Variants in RERE observed in about 807,000 individuals in gnomAD.
RERE encodes arginine-glutamic acid dipeptide repeats protein.
In RERE, 40 loss-of-function variants were observed where a neutral mutation model predicts 146.1. The observed-to-expected ratio is 0.27, with a 90% CI of 0.21 to 0.36. The LOEUF (loss-of-function observed/expected upper bound fraction) is 0.36, where lower values mean the gene tolerates loss of function less well. Among genes scored for constraint, RERE ranks in the 10% least tolerant of loss-of-function variants. RERE has a pLI of 1.00. For synonymous variants in RERE, 1,003 were observed against 866.0 expected (o/e 1.16, Z -2.78); for missense variants, 1,933 against 2,138.7 (o/e 0.90, Z 1.90).
At chr1:8,398,792 C>A (rs184724141) in intron 12 of RERE, among the ~76,000 whole-genome samples, 28 of 152,192 alleles carry the variant, frequency 1.8e-4, no homozygotes, top group African/African-American at 5.5e-4. Flanking sequence ...TGCTATACAT[C>A]GAAAAATTTG....
intron 2 of RERE, among the ~76,000 whole-genome samples, chr1:8,626,974 A>G (rs1289187771): frequency 6.6e-6 from 1 of 152,158 alleles, no homozygotes; most frequent in Non-Finnish European, 1.5e-5. Context: ...ACTGCATTCA[A>G]TGGTCTGGTC....
chr1:8,570,197 C>G (rs894421561), intron 4 of RERE, among the ~76,000 whole-genome samples: 6 of 151,940 alleles, frequency 3.9e-5, no homozygotes, highest in Non-Finnish European at 7.4e-5. Context: ...ATTAGCTGGG[C>G]ATGGTGGCTC....
At chr1:8,699,627 T>TAC (rs1639404863) in intron 1 of RERE, among the ~76,000 whole-genome samples, 1 of 152,226 alleles carries the variant, frequency 6.6e-6, no homozygotes, top group Non-Finnish European at 1.5e-5. Context: ...GTAGGATACC[T>TAC]ACTTCCCTCC....
At chr1:8,675,271 T>A (rs376997818) in intron 1 of RERE, among the ~76,000 whole-genome samples, 1 of 152,086 alleles carries the variant, frequency 6.6e-6, no homozygotes, top group African/African-American at 2.4e-5. Context: ...TCCCTATATA[T>A]AGGCCTGTCA....
At chr1:8,588,437 T>G (rs1475394991) in intron 4 of RERE, among the ~76,000 whole-genome samples, 2 of 152,146 alleles carry the variant, frequency 1.3e-5, no homozygotes, top group Non-Finnish European at 2.9e-5. Context: ...CGAAGGGTCG[T>G]CGCCTCGTCC....
At chr1:8,535,576 C>T (rs1278330564) in intron 7 of RERE, among the ~76,000 whole-genome samples, 6 of 152,188 alleles carry the variant, frequency 3.9e-5, no homozygotes, top group Non-Finnish European at 7.3e-5. Context: ...AAATAAAATG[C>T]ACACAGTATT....
rs1177068536 is a variant in RERE, at chr1:8,360,261, C to T, written c.3246G>A (p.Gly1082=). The change falls in exon 18 of 23, where the codon GGG becomes GGA. Residue 1082 remains glycine (G), a synonymous_variant. Transcript: ENST00000400908. ...GAAASGGSIA[G]GSSCPLPTVQ... is the part of the protein sequence containing the mutation. Reference sequence around the variant, plus strand: ...CGGTGGGGAGTGGGCAGGACGACCCCCCCGCTATGCTGCCTCCTGAAGCCG... The same window carrying T: ...CGGTGGGGAGTGGGCAGGACGACCCTCCCGCTATGCTGCCTCCTGAAGCCG... 41 of 1,573,110 alleles carry T rather than the reference C, an allele frequency of 2.6e-5. No individual in the cohort carries two copies. Among genetic ancestry groups the T allele is most frequent in the Non-Finnish European group, 3.4e-5 (40 of 1,160,642 alleles).
chr1:8,444,800 C>T (rs548311756), intron 11 of RERE, among the ~76,000 whole-genome samples: 4 of 152,096 alleles, frequency 2.6e-5, no homozygotes, highest in Admixed American at 2.0e-4. Flanking sequence ...GTGGTGTTCC[C>T]GCTTCAGCTT....
intron 1 of RERE, among the ~76,000 whole-genome samples, chr1:8,758,867 AT>A (rs1640699040): frequency 1.3e-5 from 2 of 152,100 alleles, no homozygotes; most frequent in African/African-American, 4.8e-5. Context: ...AAAAAAAAAA[AT>A]GTGAAGTAAT....
chr1:8,792,042 A>G (rs933194391), intron 1 of RERE, among the ~76,000 whole-genome samples: 2 of 152,064 alleles, frequency 1.3e-5, no homozygotes, highest in African/African-American at 4.8e-5. Flanking sequence ...GCAGTGAACT[A>G]TAATTGCACC....
intron 6 of RERE, among the ~76,000 whole-genome samples, chr1:8,550,416 A>G (rs1645919173): frequency 6.6e-6 from 1 of 152,270 alleles, no homozygotes; most frequent in African/African-American, 2.4e-5. Context: ...GTTATTTCAC[A>G]TATAAAAACA....
At chr1:8,630,305 C>T (rs927673069) in intron 2 of RERE, among the ~76,000 whole-genome samples, 1 of 152,076 alleles carries the variant, frequency 6.6e-6, no homozygotes, top group African/African-American at 2.4e-5. Flanking sequence ...AACAGCCAAA[C>T]CCATCACCAT....
chr1:8,786,779 C>T (rs1391328140), intron 1 of RERE: 1 of 793,236 alleles, frequency 1.3e-6, no homozygotes, highest in African/African-American at 1.7e-5. Flanking sequence ...TAGCACTATG[C>T]TTTTTCATAA....
At chr1:8,573,591 T>G (rs1646250803) in intron 4 of RERE, among the ~76,000 whole-genome samples, 1 of 152,138 alleles carries the variant, frequency 6.6e-6, no homozygotes, top group African/African-American at 2.4e-5. Context: ...ATTACAACCT[T>G]GGTTGTAATA....
intron 1 of RERE, among the ~76,000 whole-genome samples, chr1:8,775,104 G>A (rs942227981): frequency 2.0e-5 from 3 of 151,834 alleles, no homozygotes; most frequent in Non-Finnish European, 4.4e-5. Context: ...GGGATTACAG[G>A]CGCACGCCAC....
intron 11 of RERE, 171 bp downstream of exon 11, chr1:8,465,754 T>G (rs1276379242): frequency 5.8e-6 from 4 of 688,904 alleles, no homozygotes; most frequent in Non-Finnish European, 1.1e-5. Flanking sequence ...AATCAAGTCT[T>G]TCTGTACAAT....
intron 4 of RERE, among the ~76,000 whole-genome samples, chr1:8,599,194 C>G (rs1055462638): frequency 1.3e-5 from 2 of 152,204 alleles, no homozygotes; most frequent in Non-Finnish European, 2.9e-5. Context: ...CTTTTGGTCA[C>G]TGAGGTTCAC....
At chr1:8,401,033 A>C (rs1570146864) in intron 12 of RERE, among the ~76,000 whole-genome samples, 1 of 61,772 alleles carries the variant, frequency 1.6e-5, no homozygotes, top group African/African-American at 6.3e-5. Flanking sequence ...AAAAAAAAAA[A>C]AAACCATATA....
At chr1:8,712,489 T>C (rs1639688036) in intron 1 of RERE, among the ~76,000 whole-genome samples, 1 of 152,200 alleles carries the variant, frequency 6.6e-6, no homozygotes, top group Admixed American at 6.5e-5. Context: ...CTGGTATGTT[T>C]AAACGATTAT....
Sources: allele counts gnomAD v4.1 joint callset (sites outside exome capture counted in the v4.1 genomes callset), GRCh38; gene constraint gnomAD v4.1.1; transcripts MANE v1.5; gene names NCBI Gene and HGNC (gene_info 2026-07-23, HGNC 2026-07-21).